Variants in OPCML observed in about 807,000 individuals in gnomAD.
OPCML encodes the protein opioid-binding protein/cell adhesion molecule.
In OPCML, 13 loss-of-function variants were observed where a neutral mutation model predicts 37.8. The observed-to-expected ratio is 0.34, with a 90% CI of 0.22 to 0.55. The LOEUF is 0.55. Among genes scored for constraint, OPCML ranks in the 20% least tolerant of loss-of-function variants. The pLI is 0.91. For synonymous variants in OPCML, 176 were observed against 168.8 expected (o/e 1.04, Z -0.33); for missense variants, 341 against 435.6 (o/e 0.78, Z 1.93).
At chr11:132,741,108 A>C (rs1945420647) in intron 2 of OPCML, among the ~76,000 whole-genome samples, 1 of 152,144 alleles carries the variant, frequency 6.6e-6, no homozygotes, top group African/African-American at 2.4e-5. Flanking sequence ...GATACTACCT[A>C]AGGAAGCCTC....
At chr11:132,808,492 G>A (rs2136219936) in intron 2 of OPCML, among the ~76,000 whole-genome samples, 1 of 152,306 alleles carries the variant, frequency 6.6e-6, no homozygotes, top group Admixed American at 6.5e-5. Flanking sequence ...GTGGGATCAT[G>A]GTAAACGCAG....
chr11:132,829,400 T>G (rs1940552795), intron 2 of OPCML, among the ~76,000 whole-genome samples: 1 of 152,188 alleles, frequency 6.6e-6, no homozygotes, highest in Non-Finnish European at 1.5e-5. Flanking sequence ...TGAGCATGAA[T>G]GAACAAGTGA....
chr11:133,050,215 G>A (rs1948105162), intron 1 of OPCML, among the ~76,000 whole-genome samples: 1 of 152,148 alleles, frequency 6.6e-6, no homozygotes, highest in Non-Finnish European at 1.5e-5. Flanking sequence ...TTCCTCTCCT[G>A]ACTGTCCACC....
At chr11:132,544,446 C>G (rs555957935) in intron 3 of OPCML, among the ~76,000 whole-genome samples, 1 of 152,266 alleles carries the variant, frequency 6.6e-6, no homozygotes, top group East Asian at 1.9e-4. Context: ...AAATATTATT[C>G]CCAGCAACAA....
intron 3 of OPCML, among the ~76,000 whole-genome samples, chr11:132,532,060 T>C (rs2096327020): frequency 6.6e-6 from 1 of 152,124 alleles, no homozygotes; most frequent in Non-Finnish European, 1.5e-5. Context: ...AACTGTTCTT[T>C]CCACAGACAT....
intron 1 of OPCML, among the ~76,000 whole-genome samples, chr11:133,241,363 G>A (rs952929870): frequency 1.3e-5 from 2 of 152,174 alleles, no homozygotes; most frequent in African/African-American, 4.8e-5. Flanking sequence ...ATAAATAAAT[G>A]AAACCAGATT....
intron 1 of OPCML, among the ~76,000 whole-genome samples, chr11:133,101,249 T>C (rs911403761): frequency 1.3e-5 from 2 of 152,050 alleles, no homozygotes; most frequent in Non-Finnish European, 2.9e-5. Context: ...TTAGATGTAA[T>C]AGCAAAGGTA....
intron 1 of OPCML, among the ~76,000 whole-genome samples, chr11:133,364,550 T>G (rs552004103): frequency 6.6e-6 from 1 of 152,284 alleles, no homozygotes; most frequent in East Asian, 1.9e-4. Flanking sequence ...ATTGCGTGAT[T>G]ATGGAGAAAT....
chr11:132,511,211 T>G (rs547639289), intron 4 of OPCML, among the ~76,000 whole-genome samples: 2 of 152,056 alleles, frequency 1.3e-5, no homozygotes, highest in South Asian at 2.1e-4. Context: ...TTATAATCAT[T>G]CAAAAATATG....
chr11:133,531,446 C>A (rs965588458), intron 1 of OPCML, among the ~76,000 whole-genome samples: 98 of 152,184 alleles, frequency 6.4e-4, no homozygotes, highest in Admixed American at 6.2e-3. Flanking sequence ...AAATTTCCAA[C>A]CTTCCCTCAG....
chr11:133,268,109 C>T (rs891559178), intron 1 of OPCML, among the ~76,000 whole-genome samples: 1 of 152,152 alleles, frequency 6.6e-6, no homozygotes, highest in Non-Finnish European at 1.5e-5. Flanking sequence ...TCTTTCCTAG[C>T]CCCAGTCAAG....
chr11:132,718,586 T>C (rs904720256), intron 2 of OPCML, among the ~76,000 whole-genome samples: 3 of 152,284 alleles, frequency 2.0e-5, no homozygotes, highest in Non-Finnish European at 4.4e-5. Flanking sequence ...GCACAGCTCC[T>C]GCACAAGGCG....
At chr11:132,810,433 C>T (rs895918550) in intron 2 of OPCML, among the ~76,000 whole-genome samples, 15 of 152,054 alleles carry the variant, frequency 9.9e-5, no homozygotes, top group Non-Finnish European at 1.8e-4. Context: ...AGGCAGGGCA[C>T]GGTGGCTCAC....
rs187496211 is a variant in OPCML at position 133,444,423 on chromosome 11, G to T, written c.61+87841C>A. ...TAACTTATTAATGAAAGAATCAAAA[G>T]AAGAGTAAAGCTAGTTCAAAGATGA... On this transcript the variant is annotated intron_variant, in intron 1 of 7. Transcript: ENST00000524381. Among the ~76,000 whole-genome samples, 691 of 152,222 alleles carry T rather than the reference G, an allele frequency of 4.5e-3. 8 individuals are homozygous for T. Among genetic ancestry groups the T allele is most frequent in the African/African-American group, 0.016 (665 of 41,546 alleles).
At chr11:133,201,538 G>C (rs1365284217) in intron 1 of OPCML, among the ~76,000 whole-genome samples, 2 of 152,116 alleles carry the variant, frequency 1.3e-5, no homozygotes, top group African/African-American at 4.8e-5. Flanking sequence ...TAAGTAAGTA[G>C]GTAAGTGGCA....
intron 2 of OPCML, among the ~76,000 whole-genome samples, chr11:132,833,481 C>T (rs1043760081): frequency 4.6e-5 from 7 of 152,198 alleles, no homozygotes; most frequent in Admixed American, 3.9e-4. Flanking sequence ...CTGCCTGAGG[C>T]TGTTTTACAG....
chr11:132,815,620 C>G (rs1050997757), intron 2 of OPCML, among the ~76,000 whole-genome samples: 3 of 152,124 alleles, frequency 2.0e-5, no homozygotes, highest in African/African-American at 2.4e-5. Context: ...AGAGTGAATA[C>G]AGAGTACTCT....
chr11:132,914,827 G>A lies in OPCML; in HGVS notation c.146+28099C>T, dbSNP rs78237949. ...AAAGTGTTGCAGCAGAATTCCATAC[G>A]CCATTACACAACACAAGGTCTTTTG... is the stretch of plus-strand genomic sequence containing the variant. On this transcript the variant is annotated intron_variant, in intron 2 of 7. Transcript: ENST00000524381. Among the ~76,000 whole-genome samples, 269 of 152,288 alleles carry A rather than the reference G, an allele frequency of 1.8e-3. 2 individuals are homozygous for A. Among genetic ancestry groups the A allele is most frequent in the African/African-American group, 6.3e-3 (262 of 41,558 alleles).
At chr11:132,709,788 T>C (rs1944183464) in intron 2 of OPCML, among the ~76,000 whole-genome samples, 1 of 152,202 alleles carries the variant, frequency 6.6e-6, no homozygotes, top group Non-Finnish European at 1.5e-5. Context: ...GGCTTTATGA[T>C]TTGTTAAAAC....
Sources: gnomAD v4.1 joint callset for allele counts (sites outside exome capture counted in the v4.1 genomes callset) on GRCh38, gnomAD v4.1.1 for gene constraint, MANE v1.5 for transcripts, NCBI Gene and HGNC (gene_info 2026-07-23, HGNC 2026-07-21) for gene names.